The following NTN4 variants were observed in gnomAD, a reference collection of about 807,000 sequenced individuals.
NTN4 encodes the protein netrin 4.
NTN4 carries 32 observed loss-of-function variants against 73.6 expected under a neutral mutation model. The observed-to-expected ratio is 0.44, with a 90% CI of 0.33 to 0.58. NTN4 has a LOEUF of 0.58. NTN4 is among the 20% of genes least tolerant of loss of function. The pLI, the probability that NTN4 is intolerant of heterozygous loss-of-function variation, is 0.04. For missense variants in NTN4, 654 were observed against 798.3 expected, an observed-to-expected ratio of 0.82 and a Z score of 2.18; for synonymous variants, 258 against 287.5, an observed-to-expected ratio of 0.90 and a Z score of 1.04.
rs377271560 is a variant in NTN4, at chr12:95,694,362, C to T, written c.1181-10651G>A. Among the ~76,000 whole-genome samples the T allele has an allele frequency of 5.9e-5, 8 of 135,904 alleles. No individual in the cohort carries two copies. The East Asian group carries it at 1.5e-3, about 25-fold the overall frequency. 89.2% of individuals were successfully genotyped at this position (135,904 alleles called of 152,430 possible). A position where few individuals can be genotyped will look rare whatever the true frequency, so the allele number is the denominator to read the frequency against. ...GCGGCCACTCCCTCGGCAGCGCCTCCAGGCTCCCAACATTGTTTTCTCCTG... is the reference window on the plus strand; with the variant it reads ...GCGGCCACTCCCTCGGCAGCGCCTCTAGGCTCCCAACATTGTTTTCTCCTG... On this transcript the variant is annotated intron_variant, in intron 5 of 9. Transcript: ENST00000343702.
At chr12:95,672,783 T>G (rs1485197629) in intron 7 of NTN4, 42 of 1,314,504 alleles carry the variant, frequency 3.2e-5, no homozygotes, top group African/African-American at 1.9e-4. Flanking sequence ...AGGACACTAT[T>G]GCCAGCGCTC....
intron 3 of NTN4, among the ~76,000 whole-genome samples, chr12:95,730,519 A>G (rs763958674): frequency 6.6e-6 from 1 of 152,214 alleles, no homozygotes; most frequent in African/African-American, 2.4e-5. Context: ...TTTCCTAATC[A>G]TCAGAAACAG....
intron 5 of NTN4, 30 bp downstream of exon 5, chr12:95,710,411 C>G (rs1346821441): frequency 6.3e-7 from 1 of 1,575,276 alleles, no homozygotes; most frequent in South Asian, 1.1e-5. Flanking sequence ...TACAAATCAG[C>G]CTATTTTCTG....
intron 4 of NTN4, among the ~76,000 whole-genome samples, chr12:95,711,431 C>T (rs935158252): frequency 1.3e-5 from 2 of 152,156 alleles, no homozygotes; most frequent in Non-Finnish European, 2.9e-5. Flanking sequence ...GGTCTCCTGT[C>T]CTTGCTAAGA....
chr12:95,693,133 G>A (rs1417351369), intron 5 of NTN4, among the ~76,000 whole-genome samples: 1 of 152,098 alleles, frequency 6.6e-6, no homozygotes, highest in Non-Finnish European at 1.5e-5. Flanking sequence ...CTATGCTAGG[G>A]GCCGAAGATA....
chr12:95,703,479 T>C (rs1266427384), intron 5 of NTN4, among the ~76,000 whole-genome samples: 1 of 152,194 alleles, frequency 6.6e-6, no homozygotes, highest in South Asian at 2.1e-4. Flanking sequence ...TCCCAAAAGA[T>C]GCTTTGAAAG....
intron 2 of NTN4, among the ~76,000 whole-genome samples, chr12:95,770,583 G>A (rs1020955776): frequency 2.6e-5 from 4 of 152,144 alleles, no homozygotes; most frequent in African/African-American, 4.8e-5. Context: ...AGAAACTGGT[G>A]GAAAACCTCA....
intron 2 of NTN4, among the ~76,000 whole-genome samples, chr12:95,778,168 A>G (rs2079107760): frequency 6.6e-6 from 1 of 152,242 alleles, no homozygotes; most frequent in Admixed American, 6.5e-5. Flanking sequence ...AGCAGTGTGT[A>G]GAGGGAAATT....
At chr12:95,753,111 C>G (rs954813597) in intron 2 of NTN4, among the ~76,000 whole-genome samples, 1 of 152,128 alleles carries the variant, frequency 6.6e-6, no homozygotes, top group African/African-American at 2.4e-5. Context: ...TTCATTCTTT[C>G]CTGTTCCTCA....
intron 2 of NTN4, among the ~76,000 whole-genome samples, chr12:95,748,476 C>CTTTTTTT (rs762351453): frequency 5.7e-4 from 60 of 105,934 alleles, no homozygotes; most frequent in African/African-American, 2.0e-3. Flanking sequence ...ATTTTCTTTT[C>CTTTTTTT]TTTTTTTTTT....
At chr12:95,773,908 G>A (rs890943541) in intron 2 of NTN4, among the ~76,000 whole-genome samples, 1 of 151,798 alleles carries the variant, frequency 6.6e-6, no homozygotes, top group Non-Finnish European at 1.5e-5. Flanking sequence ...TTCCCTCCCC[G>A]CAAAAACCAA....
rs570243447 is a variant in NTN4, at chr12:95,760,607, T to C, written c.586-22463A>G. Among the ~76,000 whole-genome samples, 11 of 152,248 alleles carry C rather than the reference T, an allele frequency of 7.2e-5. 1 individual carries two copies. The South Asian group carries it at 2.3e-3, about 32-fold the overall frequency. On this transcript the variant is annotated intron_variant, in intron 2 of 9. Transcript: ENST00000343702. ...AAATTGGGGCAATTGTAGGGATTGT[T>C]ATGTTTGTTTCTTCTTTCTCAGAGC...
chr12:95,751,136 T>C (rs1342500212), intron 2 of NTN4, among the ~76,000 whole-genome samples: 1 of 152,036 alleles, frequency 6.6e-6, no homozygotes, highest in Non-Finnish European at 1.5e-5. Context: ...CCCAATCTGC[T>C]CCCGACATTA....
intron 2 of NTN4, among the ~76,000 whole-genome samples, chr12:95,769,810 G>A (rs565053901): frequency 1.4e-4 from 20 of 145,582 alleles, no homozygotes; most frequent in Non-Finnish European, 2.4e-4. Flanking sequence ...AGGCTGGAGT[G>A]CAAGGGTGTG....
chr12:95,705,733 A>AGT (rs892708615), intron 5 of NTN4, among the ~76,000 whole-genome samples: 5 of 151,934 alleles, frequency 3.3e-5, no homozygotes, highest in South Asian at 2.1e-4. Context: ...TCTGTGTATG[A>AGT]GTGTGTGTGT....
At chr12:95,678,348 G>GAAAAAAAAA (rs2078289841) in intron 7 of NTN4, among the ~76,000 whole-genome samples, 1 of 56,104 alleles carries the variant, frequency 1.8e-5, no homozygotes, top group Non-Finnish European at 3.5e-5. Context: ...AGAACTTAAA[G>GAAAAAAAAA]TAAAAAAAAA....
intron 2 of NTN4, among the ~76,000 whole-genome samples, chr12:95,777,209 G>A (rs145082760): frequency 0.044 from 6,717 of 152,226 alleles, 494 homozygotes; most frequent in African/African-American, 0.15. Flanking sequence ...GCAAAAACAT[G>A]CCAAATTGTA....
chr12:95,755,768 T>C (rs989195031), intron 2 of NTN4, among the ~76,000 whole-genome samples: 11 of 152,230 alleles, frequency 7.2e-5, no homozygotes, highest in Admixed American at 3.3e-4. Flanking sequence ...AAGGGCATAT[T>C]TACAGTTTTA....
chr12:95,787,551 A>G (rs2079178764), intron 1 of NTN4, 83 bp from the exon 2 acceptor site: 1 of 1,382,508 alleles, frequency 7.2e-7, no homozygotes, highest in South Asian at 1.3e-5. Context: ...ACAACAGTCA[A>G]GGATCTCCCC....
Sources: gnomAD v4.1 joint callset for allele counts (sites outside exome capture counted in the v4.1 genomes callset) on GRCh38, gnomAD v4.1.1 for gene constraint, MANE v1.5 for transcripts, NCBI Gene and HGNC (gene_info 2026-07-23, HGNC 2026-07-21) for gene names.